The following RAD51B variants were observed in gnomAD, a reference collection of about 807,000 sequenced individuals.
RAD51B encodes the protein RAD51 paralog B.
A neutral mutation model predicts 42.2 loss-of-function variants in RAD51B; 38 were observed. The observed-to-expected ratio is 0.90, with a 90% CI of 0.70 to 1.18. The LOEUF (loss-of-function observed/expected upper bound fraction) is 1.18, where lower values mean the gene tolerates loss of function less well. Among genes scored for constraint, RAD51B ranks in the 50% most tolerant of loss-of-function variants. RAD51B has a pLI of 0.00. For missense variants in RAD51B, 373 were observed against 400.7 expected, an observed-to-expected ratio of 0.93 and a Z score of 0.59; for synonymous variants, 154 against 145.2, an observed-to-expected ratio of 1.06 and a Z score of -0.43.
intron 10 of RAD51B, among the ~76,000 whole-genome samples, chr14:68,535,725 GA>G (rs1236095494): frequency 1.3e-5 from 2 of 151,992 alleles, no homozygotes; most frequent in East Asian, 3.8e-4. Context: ...GAAAACCAAG[GA>G]AAAAAATGAG....
At chr14:68,643,092 T>C (rs996025762) in intron 10 of RAD51B, among the ~76,000 whole-genome samples, 4 of 93,454 alleles carry the variant, frequency 4.3e-5, no homozygotes, top group African/African-American at 1.7e-4. Flanking sequence ...TGTCCATTTC[T>C]GACAGAGGAG....
At chr14:68,549,713 C>T (rs898725922) in intron 10 of RAD51B, among the ~76,000 whole-genome samples, 10 of 150,050 alleles carry the variant, frequency 6.7e-5, no homozygotes, top group Admixed American at 4.0e-4. Flanking sequence ...CGCGCCCGGC[C>T]GCCCTGGACA....
intron 7 of RAD51B, among the ~76,000 whole-genome samples, chr14:68,136,403 C>A (rs192070931): frequency 0.015 from 1,033 of 67,230 alleles, 97 homozygotes; most frequent in African/African-American, 0.03. Context: ...CATGGTGAAA[C>A]CCCATCTCTA....
At chr14:68,175,303 A>G (rs576978002) in intron 7 of RAD51B, among the ~76,000 whole-genome samples, 1 of 152,336 alleles carries the variant, frequency 6.6e-6, no homozygotes, top group East Asian at 1.9e-4. Context: ...CTGAAGAGGA[A>G]CAGTATTTGA....
At chr14:68,410,499 C>A (rs2084387955) in intron 8 of RAD51B, among the ~76,000 whole-genome samples, 1 of 152,138 alleles carries the variant, frequency 6.6e-6, no homozygotes, top group South Asian at 2.1e-4. Context: ...CCAACTGTGC[C>A]CTCCTAAGGT....
chr14:68,329,297 C>T (rs1005367270), intron 8 of RAD51B, among the ~76,000 whole-genome samples: 4 of 152,302 alleles, frequency 2.6e-5, no homozygotes, highest in Non-Finnish European at 4.4e-5. Flanking sequence ...CATGAGCTAC[C>T]ACACCCAGGC....
chr14:68,066,792 A>T (rs1248924499), intron 7 of RAD51B, among the ~76,000 whole-genome samples: 1 of 152,066 alleles, frequency 6.6e-6, no homozygotes, highest in Non-Finnish European at 1.5e-5. Context: ...AATTTAAAAA[A>T]TTTTTCTGCT....
At chr14:67,988,852 G>A (rs2075240623) in intron 7 of RAD51B, among the ~76,000 whole-genome samples, 1 of 152,172 alleles carries the variant, frequency 6.6e-6, no homozygotes, top group African/African-American at 2.4e-5. Context: ...AATGTGGTTT[G>A]TAAAATATAG....
At chr14:68,172,312 G>A (rs367899455) in intron 7 of RAD51B, among the ~76,000 whole-genome samples, 73 of 152,254 alleles carry the variant, frequency 4.8e-4, no homozygotes, top group Non-Finnish European at 7.5e-4. Context: ...TATTTGTCCC[G>A]TCCTTACTGA....
intron 9 of RAD51B, among the ~76,000 whole-genome samples, chr14:68,416,988 A>G (rs945058529): frequency 6.6e-6 from 1 of 152,050 alleles, no homozygotes; most frequent in Non-Finnish European, 1.5e-5. Context: ...AAGTTGATAA[A>G]TTTTTTTTCC....
At chr14:68,385,449 C>G (rs2083573364) in intron 8 of RAD51B, among the ~76,000 whole-genome samples, 1 of 152,214 alleles carries the variant, frequency 6.6e-6, no homozygotes, top group Non-Finnish European at 1.5e-5. Context: ...GCACTGAGTA[C>G]CACCAGCCAA....
At chr14:68,021,226 T>C (rs574458819) in intron 7 of RAD51B, among the ~76,000 whole-genome samples, 1 of 152,310 alleles carries the variant, frequency 6.6e-6, no homozygotes, top group Non-Finnish European at 1.5e-5. Context: ...AATGTTCTAT[T>C]AGAGGACTCA....
intron 7 of RAD51B, among the ~76,000 whole-genome samples, chr14:68,231,216 ATGCT>A (rs1393014669): frequency 2.0e-5 from 3 of 152,080 alleles, no homozygotes; most frequent in Non-Finnish European, 2.9e-5. Flanking sequence ...ATTTTCCTTC[ATGCT>A]TTCTTTCTCA....
chr14:68,206,381 A>G (rs2079585404), intron 7 of RAD51B, among the ~76,000 whole-genome samples: 1 of 152,110 alleles, frequency 6.6e-6, no homozygotes, highest in Admixed American at 6.5e-5. Flanking sequence ...CTTCATCACT[A>G]CCCCCAAATT....
chr14:67,994,788 G>A (rs942641199), intron 7 of RAD51B, among the ~76,000 whole-genome samples: 8 of 152,160 alleles, frequency 5.3e-5, no homozygotes, highest in South Asian at 2.1e-4. Flanking sequence ...TCTCAAGATT[G>A]CAGAGAAATA....
intron 7 of RAD51B, among the ~76,000 whole-genome samples, chr14:68,134,960 T>G (rs929430610): frequency 5.3e-5 from 8 of 152,222 alleles, no homozygotes; most frequent in Admixed American, 5.2e-4. Context: ...ATTTTTATGA[T>G]TAATATTTTA....
At chr14:68,062,081 G>A (rs574317270) in intron 7 of RAD51B, among the ~76,000 whole-genome samples, 2 of 152,166 alleles carry the variant, frequency 1.3e-5, no homozygotes, top group South Asian at 4.2e-4. Flanking sequence ...CTTCTATACT[G>A]AATTCATTGA....
chr14:68,023,271 C>T (rs1312517170), intron 7 of RAD51B, among the ~76,000 whole-genome samples: 2 of 152,174 alleles, frequency 1.3e-5, no homozygotes, highest in Non-Finnish European at 2.9e-5. Flanking sequence ...TGCAGTCCCA[C>T]CAGTGGCGTA....
chr14:68,474,270 GACTTTT>G (rs1045064261), intron 10 of RAD51B, among the ~76,000 whole-genome samples: 7 of 152,180 alleles, frequency 4.6e-5, no homozygotes, highest in Admixed American at 4.6e-4. Flanking sequence ...GCTCTCCAAA[GACTTTT>G]ACCAATTTAT....
Sources: gnomAD v4.1 joint callset for allele counts (sites outside exome capture counted in the v4.1 genomes callset) on GRCh38, gnomAD v4.1.1 for gene constraint, MANE v1.5 for transcripts, NCBI Gene and HGNC (gene_info 2026-07-23, HGNC 2026-07-21) for gene names.